The following SRPK2 variants were observed in gnomAD, a reference collection of about 807,000 sequenced individuals.
The protein encoded by SRPK2 is SRSF protein kinase 2, also known as SFRS protein kinase 2.
Under a neutral mutation model 90.8 loss-of-function variants are expected in SRPK2, and 21 were observed. The observed-to-expected ratio is 0.23, with a 90% CI of 0.16 to 0.33. The LOEUF is 0.33. Ranked by LOEUF, SRPK2 falls within the 10% of genes least tolerant of loss-of-function variation. The pLI, the probability that SRPK2 is intolerant of heterozygous loss-of-function variation, is 1.00. For missense variants in SRPK2, 620 were observed against 869.0 expected (o/e 0.71, Z 3.60); for synonymous variants, 288 against 311.1 (o/e 0.93, Z 0.78).
chr7:105,369,887 C>T (rs201247055), intron 2 of SRPK2, among the ~76,000 whole-genome samples: 2 of 152,136 alleles, frequency 1.3e-5, no homozygotes, highest in African/African-American at 4.8e-5. Flanking sequence ...ATTAGCCAGG[C>T]GTGGTGGCGC....
intron 2 of SRPK2, among the ~76,000 whole-genome samples, chr7:105,365,723 T>C (rs1818969291): frequency 6.6e-6 from 1 of 151,530 alleles, no homozygotes; most frequent in Admixed American, 6.6e-5. Flanking sequence ...CATGTGAGCT[T>C]AGTAGGTCAG....
chr7:105,389,400 T>G (rs538181098), upstream of SRPK2: 2 of 1,245,422 alleles, frequency 1.6e-6, no homozygotes, highest in Non-Finnish European at 2.1e-6. Context: ...CCGGCAGGCG[T>G]GGAAAGGGCA....
intron 2 of SRPK2, among the ~76,000 whole-genome samples, chr7:105,325,585 C>T (rs928702452): frequency 7.5e-6 from 1 of 133,178 alleles, no homozygotes; most frequent in African/African-American, 2.8e-5. Context: ...CAACTGGATA[C>T]AGTGGCTCAC....
intron 2 of SRPK2, among the ~76,000 whole-genome samples, chr7:105,225,784 C>A: frequency 8.3e-6 from 1 of 120,966 alleles, no homozygotes. Context: ...TGTCTTACAA[C>A]TAAACTTACA....
At chr7:105,160,437 A>G (rs542670040) in intron 7 of SRPK2, 70 bp downstream of exon 7, 3 of 834,824 alleles carry the variant, frequency 3.6e-6, no homozygotes, top group Non-Finnish European at 6.1e-6. Context: ...ACATATTTGT[A>G]AACAGCATTC....
At chr7:105,308,459 G>A (rs1811369152) in intron 2 of SRPK2, among the ~76,000 whole-genome samples, 1 of 152,180 alleles carries the variant, frequency 6.6e-6, no homozygotes, top group Non-Finnish European at 1.5e-5. Flanking sequence ...GCAACCAACA[G>A]AGGGAGGGGA....
At chr7:105,149,354 A>G (rs573352425) in intron 7 of SRPK2, among the ~76,000 whole-genome samples, 9 of 152,208 alleles carry the variant, frequency 5.9e-5, no homozygotes, top group Non-Finnish European at 7.3e-5. Flanking sequence ...ACGTCCAGTC[A>G]TAGTACCTTC....
At chr7:105,279,295 T>TAGAACTTCCA (rs1016842716) in intron 2 of SRPK2, among the ~76,000 whole-genome samples, 20 of 102,172 alleles carry the variant, frequency 2.0e-4, no homozygotes, top group Admixed American at 1.9e-3. Context: ...GTTTCTGATT[T>TAGAACTTCCA]AGATAGCTGC....
chr7:105,119,303 C>A (rs1254933078), intron 15 of SRPK2, among the ~76,000 whole-genome samples: 3 of 152,072 alleles, frequency 2.0e-5, no homozygotes, highest in Admixed American at 6.5e-5. Context: ...CCCATTTATT[C>A]GAGTCAACTT....
At chr7:105,257,597 C>G (rs1803509331) in intron 2 of SRPK2, among the ~76,000 whole-genome samples, 1 of 152,220 alleles carries the variant, frequency 6.6e-6, no homozygotes, top group Middle Eastern at 3.4e-3. Context: ...TTTATGACAC[C>G]TGCAAATTTA....
At chr7:105,246,200 CAGAA>C (rs749193971) in intron 2 of SRPK2, among the ~76,000 whole-genome samples, 6 of 152,214 alleles carry the variant, frequency 3.9e-5, no homozygotes, top group African/African-American at 9.7e-5. Flanking sequence ...TAAACACAGA[CAGAA>C]AGTTACACAC....
At chr7:105,302,955 T>C (rs543949276) in intron 2 of SRPK2, among the ~76,000 whole-genome samples, 2 of 151,168 alleles carry the variant, frequency 1.3e-5, no homozygotes, top group Admixed American at 1.3e-4. Flanking sequence ...GCGCCTGTAG[T>C]CCCAGCTACT....
intron 2 of SRPK2, among the ~76,000 whole-genome samples, chr7:105,225,640 A>G (rs1016389469): frequency 1.3e-5 from 2 of 152,238 alleles, no homozygotes; most frequent in Admixed American, 6.5e-5. Context: ...ACAGACACAG[A>G]GATACAATTT....
intron 6 of SRPK2, among the ~76,000 whole-genome samples, chr7:105,166,766 A>G (rs1237470418): frequency 6.6e-6 from 1 of 152,248 alleles, no homozygotes; most frequent in African/African-American, 2.4e-5. Context: ...ATAGATAACC[A>G]GGAATAAAAT....
At chr7:105,264,384 G>A (rs1257644454) in intron 2 of SRPK2, among the ~76,000 whole-genome samples, 1 of 152,156 alleles carries the variant, frequency 6.6e-6, no homozygotes, top group Non-Finnish European at 1.5e-5. Flanking sequence ...GGTTCCTTAT[G>A]GATTTGAAAT....
intron 2 of SRPK2, among the ~76,000 whole-genome samples, chr7:105,302,736 C>G (rs1810698139): frequency 6.6e-6 from 1 of 152,014 alleles, no homozygotes; most frequent in Non-Finnish European, 1.5e-5. Flanking sequence ...ATAGGTGGAA[C>G]AGGAGAATAT....
At chr7:105,175,078 G>A (rs1320174505) in intron 3 of SRPK2, among the ~76,000 whole-genome samples, 1 of 151,714 alleles carries the variant, frequency 6.6e-6, no homozygotes, top group Non-Finnish European at 1.5e-5. Flanking sequence ...GGAGGCAGAG[G>A]TTGCGGAGTC....
At chr7:105,199,878 A>G (rs985064225) in intron 3 of SRPK2, among the ~76,000 whole-genome samples, 3 of 143,670 alleles carry the variant, frequency 2.1e-5, no homozygotes, top group Admixed American at 7.3e-5. Context: ...CTAGCTTTCT[A>G]AATATTATTG....
chr7:105,347,218 C>T (rs1341792627), intron 2 of SRPK2, among the ~76,000 whole-genome samples: 4 of 151,840 alleles, frequency 2.6e-5, no homozygotes, highest in Admixed American at 1.3e-4. Context: ...CATGTGCCAC[C>T]GCGCCCGGCT....
Sources: allele counts gnomAD v4.1 joint callset (sites outside exome capture counted in the v4.1 genomes callset), GRCh38; gene constraint gnomAD v4.1.1; transcripts MANE v1.5; gene names NCBI Gene and HGNC (gene_info 2026-07-23, HGNC 2026-07-21).